NFAT5: variants seen among roughly 807,000 people sequenced by gnomAD.
The protein encoded by NFAT5 is nuclear factor of activated T cells 5.
Under a neutral mutation model 166.5 loss-of-function variants are expected in NFAT5, and 31 were observed. That is an observed-to-expected ratio of 0.19 (90% CI 0.14 to 0.25). The LOEUF (loss-of-function observed/expected upper bound fraction) is 0.25, where lower values mean the gene tolerates loss of function less well. Among genes scored for constraint, NFAT5 ranks in the 10% least tolerant of loss-of-function variants. NFAT5 has a pLI of 1.00. For synonymous variants in NFAT5, 612 were observed against 639.7 expected (o/e 0.96, Z 0.65); for missense variants, 1,449 against 1,821.8 (o/e 0.80, Z 3.72).
chr16:69,602,625 T>C (rs1327413196), intron 2 of NFAT5, among the ~76,000 whole-genome samples: 1 of 149,818 alleles, frequency 6.7e-6, no homozygotes, highest in Non-Finnish European at 1.5e-5. Context: ...TCTCAAAATC[T>C]ATAAGAAAAG....
intron 7 of NFAT5, among the ~76,000 whole-genome samples, chr16:69,660,568 T>C (rs1221438771): frequency 6.6e-5 from 10 of 152,234 alleles, no homozygotes; most frequent in African/African-American, 1.9e-4. Context: ...AGCAGAACTT[T>C]GCAAATAACA....
At chr16:69,634,906 T>C (rs940844652) in intron 3 of NFAT5, among the ~76,000 whole-genome samples, 3 of 152,170 alleles carry the variant, frequency 2.0e-5, no homozygotes, top group African/African-American at 7.2e-5. Flanking sequence ...CAACTTCTTC[T>C]TAAGGTTCTT....
Position 69,695,231 on chromosome 16 carries a change from C to T in NFAT5, c.4510C>T (p.Pro1504Ser). The T allele has an allele frequency of 6.2e-7, 1 of 1,614,192 alleles. No homozygotes were observed. The highest frequency in any genetic ancestry group is 8.5e-7 in the Non-Finnish European group (1 of 1,180,028). Residue 1504 changes from proline to serine, a missense_variant, in exon 14 of 15, where the codon CCT (proline) becomes TCT (serine). Pro to Ser is a moderately conservative substitution (Grantham distance 74, BLOSUM62 -1). Transcript: ENST00000349945. ...PGQPQNEGQP[P>S]VTTLLSQQMP... ...CCAACCACAAAACGAGGGCCAGCCA[C>T]CTGTGACAACACTTCTTTCTCAGCA...
At chr16:69,609,979 C>G (rs962972527) in intron 2 of NFAT5, among the ~76,000 whole-genome samples, 5 of 151,670 alleles carry the variant, frequency 3.3e-5, no homozygotes, top group African/African-American at 1.2e-4. Flanking sequence ...GCACTCCAAT[C>G]TGGACAACAG....
chr16:69,702,839 T>C lies in NFAT5; in HGVS notation c.*6488T>C, dbSNP rs1055062147. 7.2e-5 allele frequency: 11 copies of C among 152,680 alleles called. No homozygotes were observed. Among genetic ancestry groups the C allele is most frequent in the Admixed American group, 2.0e-4 (3 of 15,282 alleles). The allele number at this position is 152,680 out of a possible 1,614,324, so 9.5% of individuals were successfully genotyped here. On this transcript the variant is annotated 3_prime_UTR_variant, in exon 15 of 15. Transcript: ENST00000349945. ...TAATCTTTTATTGGCAAAAGTTAAT[T>C]CTCAGTACTGCCTATAGAGATACAG...
chr16:69,679,839 G>T (rs942446067), intron 10 of NFAT5, among the ~76,000 whole-genome samples: 6 of 152,102 alleles, frequency 3.9e-5, no homozygotes, highest in African/African-American at 1.4e-4. Flanking sequence ...AGTTGGCTGG[G>T]CATGGTGGCT....
At position 69,656,888 on chromosome 16, in the gene NFAT5, T is replaced by G. The variant is rs887265558; in HGVS notation, c.1196+1089T>G. Among the ~76,000 whole-genome samples the G allele has an allele frequency of 1.1e-4, 16 of 152,352 alleles. 2 individuals are homozygous for G. The highest frequency in any genetic ancestry group is 3.9e-4 in the East Asian group (2 of 5,190). ...ATATCTTTAGATTTAGATTATGTGT[T>G]TTTCATCTTGTGCATTTAAATTTTA... On this transcript the variant is annotated intron_variant, in intron 6 of 14. Transcript: ENST00000349945.
chr16:69,594,571 T>A (rs751781725), intron 2 of NFAT5, among the ~76,000 whole-genome samples: 1 of 152,196 alleles, frequency 6.6e-6, no homozygotes, highest in Non-Finnish European at 1.5e-5. Flanking sequence ...ATATTCTGTA[T>A]TATGATCTTA....
Position 69,566,787 on chromosome 16 carries a change from C to T in NFAT5, c.73+413C>T, listed in dbSNP as rs1348759463. 6.6e-6 allele frequency among the ~76,000 whole-genome samples: 1 copy of T among 152,186 alleles called. No homozygotes were observed. The highest frequency in any genetic ancestry group is 1.5e-5 in the Non-Finnish European group (1 of 68,026). On this transcript the variant is annotated intron_variant, in intron 1 of 14. Transcript: ENST00000349945. This position sits in a 1 kb window ranked among gnomAD's most constrained non-coding sequence, Gnocchi z 5.7. The stretch of plus-strand genomic sequence containing the variant: ...CCGCGTCTTCTCTTACCGGGACCCT[C>T]CTCCCCAGCAAAGTTGCCCCCAAGC...
intron 2 of NFAT5, among the ~76,000 whole-genome samples, chr16:69,617,198 TC>T: frequency 6.6e-6 from 1 of 152,214 alleles, no homozygotes; most frequent in East Asian, 1.9e-4. Flanking sequence ...CGCCTCGGCC[TC>T]CCAAAGTGCT....
chr16:69,697,032 C>T lies in NFAT5; in HGVS notation c.*681C>T, dbSNP rs1476639697. ...GAGTTGTTAGTTCTCTGGGTTTCTA[C>T]TAAGGGGTTTAGCCATAACTGTGCA... On this transcript the variant is annotated 3_prime_UTR_variant, in exon 15 of 15. Coordinates refer to ENST00000349945, the MANE Select transcript of NFAT5 (RefSeq NM_138713.4). The T allele has an allele frequency of 6.6e-6, 1 of 152,546 alleles. No individual in the cohort carries two copies. The highest frequency in any genetic ancestry group is 1.9e-4 in the East Asian group (1 of 5,198). The allele number at this position is 152,546 out of a possible 1,614,324, so 9.4% of individuals were successfully genotyped here.
In NFAT5 at chr16:69,566,121, C is replaced by T. The variant is rs1283550319; in HGVS notation, c.-181C>T. On this transcript the variant is annotated 5_prime_UTR_variant, in exon 1 of 15. Coordinates refer to ENST00000349945, the MANE Select transcript of NFAT5 (RefSeq NM_138713.4). This position sits in a 1 kb window ranked among gnomAD's most constrained non-coding sequence, Gnocchi z 5.7. ...AGTCCCCGTGGAGTTCCCCCTCCAC[C>T]TCGCCATCGTTTCCTCGGTCCTCGG... 11 of 576,540 alleles carry T rather than the reference C, an allele frequency of 1.9e-5. 1 individual carries two copies. The highest frequency in any genetic ancestry group is 1.9e-4 in the South Asian group (9 of 47,400). 35.7% of individuals were successfully genotyped at this position (576,540 alleles called of 1,614,324 possible). A position where few individuals can be genotyped will look rare whatever the true frequency, so the allele number is the denominator to read the frequency against.
At chr16:69,666,965 A>G (rs2036407928) in intron 7 of NFAT5, among the ~76,000 whole-genome samples, 1 of 151,498 alleles carries the variant, frequency 6.6e-6, no homozygotes, top group African/African-American at 2.4e-5. Flanking sequence ...AATGTGGCAC[A>G]TATACACCAT....
At chr16:69,569,881 G>C (rs2016333350) in intron 2 of NFAT5, among the ~76,000 whole-genome samples, 1 of 152,146 alleles carries the variant, frequency 6.6e-6, no homozygotes, top group African/African-American at 2.4e-5. Context: ...TTTGAAGTGA[G>C]AAATTTTTAG....
intron 2 of NFAT5, among the ~76,000 whole-genome samples, chr16:69,616,124 G>T (rs1292940837): frequency 6.6e-6 from 1 of 152,004 alleles, no homozygotes; most frequent in East Asian, 1.9e-4. Context: ...CCTATCTACG[G>T]AAATGCCCTC....
rs746725926 is a variant in NFAT5, at chr16:69,692,631, T to G, written c.2806T>G (p.Ser936Ala). ...AAQIQSELFP[S>A]TASANGNLQQ... ...CCAGATTCAGTCAGAGTTATTCCCTTCAACTGCTTCAGCAAATGGAAACCT... is the reference window on the plus strand; with the variant it reads ...CCAGATTCAGTCAGAGTTATTCCCTGCAACTGCTTCAGCAAATGGAAACCT... Residue 936 changes from serine (S) to alanine (A), a missense_variant, in exon 13 of 15, where the codon TCA (serine) becomes GCA (alanine). Ser to Ala is a moderately conservative substitution (Grantham distance 99). Coordinates refer to ENST00000349945, the MANE Select transcript of NFAT5 (RefSeq NM_138713.4). 2 of 1,614,202 alleles carry G rather than the reference T, an allele frequency of 1.2e-6. No homozygotes were observed. Among genetic ancestry groups the G allele is most frequent in the Non-Finnish European group, 1.7e-6 (2 of 1,180,032 alleles).
intron 10 of NFAT5, among the ~76,000 whole-genome samples, chr16:69,682,293 CATTT>C (rs1160907077): frequency 3.6e-5 from 4 of 111,876 alleles, no homozygotes; most frequent in African/African-American, 8.3e-5. Flanking sequence ...TAATATTTAA[CATTT>C]TTTTTTTTTT....
chr16:69,575,872 G>C (rs918417102), intron 2 of NFAT5, among the ~76,000 whole-genome samples: 3 of 151,882 alleles, frequency 2.0e-5, no homozygotes, highest in Non-Finnish European at 4.4e-5. Context: ...TCCCTATTTC[G>C]TAAATGAACA....
chr16:69,658,014 G>A (rs896813351), intron 6 of NFAT5, among the ~76,000 whole-genome samples: 19 of 150,870 alleles, frequency 1.3e-4, no homozygotes, highest in Non-Finnish European at 2.7e-4. Flanking sequence ...GAACCCGGGA[G>A]GCAGACTTGC....
Sources: allele counts gnomAD v4.1 joint callset (sites outside exome capture counted in the v4.1 genomes callset), GRCh38; gene constraint gnomAD v4.1.1; non-coding constraint Gnocchi (gnomAD v3.1); transcripts MANE v1.5; gene names NCBI Gene and HGNC (gene_info 2026-07-23, HGNC 2026-07-21).